The following KCNC4 variants were observed in gnomAD, a reference collection of about 807,000 sequenced individuals.
KCNC4 encodes the protein potassium voltage-gated channel subfamily C member 4, also known as voltage-gated potassium channel KCNC4.
Under a neutral mutation model 42.8 loss-of-function variants are expected in KCNC4, and 23 were observed. The ratio of observed to expected loss-of-function variants is 0.54; its 90% confidence interval spans 0.39 to 0.76. The LOEUF (loss-of-function observed/expected upper bound fraction) is 0.76. Ranked by LOEUF, KCNC4 falls within the 30% of genes least tolerant of loss-of-function variation. The probability of loss-of-function intolerance (pLI) is 0.00; values close to 1 mark genes in which losing one functional copy is unlikely to be tolerated. For missense variants in KCNC4, 751 were observed against 898.2 expected (o/e 0.84, Z 2.10); for synonymous variants, 422 against 393.5 (o/e 1.07, Z -0.86).
At chr1:110,268,230 G>A (rs1474886928) in intron 1 of KCNC4, among the ~76,000 whole-genome samples, 1 of 152,160 alleles carries the variant, frequency 6.6e-6, no homozygotes, top group East Asian at 1.9e-4. Context: ...CACAAAGGCA[G>A]CTTTAGACAC....
chr1:110,254,087 A>ATG (rs1659287917), downstream of KCNC4, among the ~76,000 whole-genome samples: 1 of 65,380 alleles, frequency 1.5e-5, no homozygotes, highest in African/African-American at 6.8e-5. Context: ...AATAGGCAGA[A>ATG]GTCGGGGGGG....
intron 3 of KCNC4, among the ~76,000 whole-genome samples, chr1:110,227,332 C>T (rs1465175755): frequency 6.6e-6 from 1 of 152,196 alleles, no homozygotes; most frequent in Non-Finnish European, 1.5e-5. Flanking sequence ...AGTTTCTTTC[C>T]CAGACCTTTC....
chr1:110,236,136 T>C (rs955862095), downstream of KCNC4: 2 of 152,248 alleles, frequency 1.3e-5, no homozygotes, highest in Admixed American at 1.3e-4. Flanking sequence ...AAGTCCTTAG[T>C]CCTTATCTCC....
At chr1:110,267,059 T>C in intron 1 of KCNC4, among the ~76,000 whole-genome samples, 1 of 152,208 alleles carries the variant, frequency 6.6e-6, no homozygotes, top group East Asian at 1.9e-4. Flanking sequence ...CACGCCTCTG[T>C]GGGCAGAACC....
intron 1 of KCNC4, among the ~76,000 whole-genome samples, chr1:110,262,501 C>T (rs7541938): frequency 0.27 from 41,804 of 152,122 alleles, 6,135 homozygotes; most frequent in Non-Finnish European, 0.33. Flanking sequence ...GATCTGCAGC[C>T]GCTGCATTTG....
intron 1 of KCNC4, among the ~76,000 whole-genome samples, chr1:110,212,442 C>G (rs1398392772): frequency 6.6e-6 from 1 of 152,184 alleles, no homozygotes; most frequent in Non-Finnish European, 1.5e-5. Context: ...CGCATCCCCT[C>G]CAGTGAGTGG....
chr1:110,226,307 C>G, intron 3 of KCNC4, 129 bp downstream of exon 3: 1 of 735,688 alleles, frequency 1.4e-6, no homozygotes, highest in Non-Finnish European at 2.4e-6. Flanking sequence ...TTGGATGCAC[C>G]CCCACTTTTA....
In KCNC4 at chr1:110,225,652, G is replaced by A. The variant is rs572956154; in HGVS notation, c.1616-323G>A. The A allele has an allele frequency of 7.6e-5, 20 of 262,688 alleles. No homozygotes were observed. In the Admixed American group the frequency reaches 8.3e-4, roughly 11 times the overall value. 16.3% of individuals were successfully genotyped at this position (262,688 alleles called of 1,614,324 possible). A position where few individuals can be genotyped will look rare whatever the true frequency, so the allele number is the denominator to read the frequency against. ...GACCCAAGGAGGAAGTAGAGTCTGC[G>A]GACTGCTTTGGGCTGATCTCCTGGG... On this transcript the variant is annotated intron_variant, in intron 2 of 3. Transcript: ENST00000438661.
downstream of KCNC4, among the ~76,000 whole-genome samples, chr1:110,254,032 GA>G (rs1416614151): frequency 2.1e-5 from 3 of 145,754 alleles, no homozygotes; most frequent in African/African-American, 7.5e-5. Flanking sequence ...GAAGGGGAAG[GA>G]AAACCCTCAG....
intron 1 of KCNC4, among the ~76,000 whole-genome samples, chr1:110,254,309 C>A (rs1352888672): frequency 6.6e-6 from 1 of 152,190 alleles, no homozygotes; most frequent in Non-Finnish European, 1.5e-5. Context: ...CTAAGCCAAC[C>A]AGCCAGCCAC....
chr1:110,277,556 T>C (rs1363105209), intron 1 of KCNC4, among the ~76,000 whole-genome samples: 11 of 152,190 alleles, frequency 7.2e-5, no homozygotes, highest in Admixed American at 7.2e-4. Flanking sequence ...AAGTCTGACA[T>C]TCAAGTCAGT....
chr1:110,223,779 GC>G lies in KCNC4; in HGVS notation c.1496del (p.Pro499ArgfsTer34), dbSNP rs1658241989. 1.2e-6 allele frequency: 2 copies of G among 1,614,176 alleles called. No individual in the cohort carries two copies. The highest frequency in any genetic ancestry group is 1.7e-6 in the Non-Finnish European group (2 of 1,180,030). On this transcript the variant is annotated frameshift_variant, in exon 2 of 4. Coordinates refer to ENST00000438661, the MANE Select transcript of KCNC4 (RefSeq NM_001039574.3). LOFTEE classifies it high-confidence loss of function. The surrounding 1 kb of genome is among the most constrained non-coding windows in gnomAD (Gnocchi z 7.5). ...PKKRKKHVPR[P>X]AQLESPMYCK... ...AGAAACGGAAGAAGCACGTGCCACG[GC>G]CGGCGCAGCTGGAGTCACCCATGTA...
chr1:110,283,571 C>T (rs577059611), downstream of KCNC4, among the ~76,000 whole-genome samples: 210 of 152,276 alleles, frequency 1.4e-3, 1 homozygote, highest in African/African-American at 4.5e-3. Context: ...CTTTTCTGGA[C>T]GCCTAGCAGA....
rs377199439 is a variant in KCNC4, at chr1:110,232,871, G to A, written c.1820-40G>A. ...CAGAAGGCAATGTTGAGCCGAAAGCGTGCGTCCCAGTGTCTCACACCTGTG... is the reference window on the plus strand; with the variant it reads ...CAGAAGGCAATGTTGAGCCGAAAGCATGCGTCCCAGTGTCTCACACCTGTG... On this transcript the variant is annotated intron_variant, in intron 3 of 3. Coordinates refer to ENST00000438661, the MANE Select transcript of KCNC4 (RefSeq NM_001039574.3). 175 of 1,589,994 alleles carry A rather than the reference G, an allele frequency of 1.1e-4. 1 individual carries two copies. Among genetic ancestry groups the A allele is most frequent in the South Asian group, 1.6e-4 (14 of 86,854 alleles).
chr1:110,264,683 C>T (rs1178521314), intron 1 of KCNC4, among the ~76,000 whole-genome samples: 1 of 152,198 alleles, frequency 6.6e-6, no homozygotes, highest in Non-Finnish European at 1.5e-5. Context: ...CTTCTCAAGG[C>T]TAGCTAGGAG....
At chr1:110,236,606 T>G (rs1658913410), downstream of KCNC4, 1 of 152,198 alleles carries the variant, frequency 6.6e-6, no homozygotes, top group African/African-American at 2.4e-5. Context: ...AATGTCCTCT[T>G]GGGATTCATT....
In KCNC4 at chr1:110,215,032, C is replaced by T. The variant is rs373001384; in HGVS notation, c.678+2855C>T. Reference sequence around the variant, plus strand: ...CAGCTACCTCCTCCCTGGAAGGGCCCGCAGCACTGTGGGGTGGTGGGCGAA... The same window carrying T: ...CAGCTACCTCCTCCCTGGAAGGGCCTGCAGCACTGTGGGGTGGTGGGCGAA... On this transcript the variant is annotated intron_variant, in intron 1 of 3. Transcript: ENST00000438661. 2.5e-4 allele frequency among the ~76,000 whole-genome samples: 38 copies of T among 152,350 alleles called. 1 individual carries two copies. In the South Asian group the frequency reaches 3.7e-3, roughly 15 times the overall value.
chr1:110,275,954 CAAAAA>C (rs61372696), intron 1 of KCNC4, among the ~76,000 whole-genome samples: 7 of 106,232 alleles, frequency 6.6e-5, no homozygotes, highest in Non-Finnish European at 1.1e-4. Flanking sequence ...GACTCCGCCT[CAAAAA>C]AAAAAAAAAA....
downstream of KCNC4, chr1:110,235,868 G>A (rs1024749918): frequency 6.6e-6 from 1 of 152,242 alleles, no homozygotes; most frequent in Admixed American, 6.5e-5. Context: ...TCCTTGTTGT[G>A]TGACCCTGGG....
Sources: allele counts gnomAD v4.1 joint callset (sites outside exome capture counted in the v4.1 genomes callset), GRCh38; gene constraint gnomAD v4.1.1; non-coding constraint Gnocchi (gnomAD v3.1); transcripts MANE v1.5; gene names NCBI Gene and HGNC (gene_info 2026-07-23, HGNC 2026-07-21).